Variants in SLC22A2 observed in about 807,000 individuals in gnomAD.
SLC22A2 encodes the protein solute carrier family 22 member 2.
SLC22A2 carries 46 observed loss-of-function variants against 60.5 expected under a neutral mutation model. That is an observed-to-expected ratio of 0.76 (90% CI 0.60 to 0.97). SLC22A2 has a LOEUF of 0.97. Among genes scored for constraint, SLC22A2 ranks in the 50% least tolerant of loss-of-function variants. SLC22A2 has a pLI of 0.00. For missense variants in SLC22A2, 701 were observed against 706.6 expected (o/e 0.99, Z 0.09); for synonymous variants, 303 against 267.0 (o/e 1.13, Z -1.31).
intron 10 of SLC22A2, among the ~76,000 whole-genome samples, chr6:160,223,921 G>A (rs1000496628): frequency 1.3e-5 from 2 of 151,936 alleles, no homozygotes; most frequent in African/African-American, 2.4e-5. Context: ...TAGTAGAGAC[G>A]GGGTTTCACC....
At chr6:160,219,410 G>A (rs553049343) in intron 10 of SLC22A2, among the ~76,000 whole-genome samples, 5 of 100,098 alleles carry the variant, frequency 5.0e-5, no homozygotes, top group South Asian at 3.7e-4. Context: ...ATCAGCCACC[G>A]GTGAGTGACT....
At chr6:160,243,420 A>G (rs912039882) in intron 7 of SLC22A2, 152 bp downstream of exon 7, 1 of 635,112 alleles carries the variant, frequency 1.6e-6, no homozygotes. Flanking sequence ...TGGCCATATG[A>G]ATTTGCTCAG....
intron 10 of SLC22A2, among the ~76,000 whole-genome samples, chr6:160,224,291 A>ATTT (rs10666190): frequency 2.8e-3 from 415 of 148,412 alleles, no homozygotes; most frequent in Middle Eastern, 0.01. Context: ...CAAATCTGTT[A>ATTT]TTTTTTTTTT....
rs1354939679 is a variant in SLC22A2, at chr6:160,250,579, G to T, written c.642C>A (p.Ser214Arg). The change falls in exon 3 of 11, where the codon AGC (serine) becomes AGA (arginine). Residue 214 changes from serine to arginine, a missense_variant. Transcript: ENST00000366953. ...TGTAGCCTATTAACCAGCCTGCTTT[G>T]CTGACCAGTCCTTGGATTAAGCGAA... is the stretch of plus-strand genomic sequence containing the variant. Reference protein sequence around the residue: ...LIFRLIQGLVSKAGWLIGYIL... With the variant: ...LIFRLIQGLVRKAGWLIGYIL... The T allele has an allele frequency of 2.5e-6, 4 of 1,614,030 alleles. No individual in the cohort carries two copies. The highest frequency in any genetic ancestry group is 3.4e-6 in the Non-Finnish European group (4 of 1,179,970).
intron 7 of SLC22A2, 96 bp downstream of exon 7, chr6:160,243,476 T>C (rs1783043499): frequency 7.3e-6 from 7 of 961,204 alleles, no homozygotes; most frequent in Non-Finnish European, 1.2e-5. Flanking sequence ...CAAATTGATT[T>C]GGATGACAAA....
intron 10 of SLC22A2, among the ~76,000 whole-genome samples, chr6:160,224,036 T>C (rs1782684933): frequency 6.6e-6 from 1 of 152,180 alleles, no homozygotes; most frequent in Admixed American, 6.5e-5. Flanking sequence ...AGCCCATGTT[T>C]GTAATTTTTA....
chr6:160,216,842 G>C lies in SLC22A2; in HGVS notation c.*590C>G, dbSNP rs1782545608. ...ATTCATGCTTACCCAATCTAAATAT[G>C]GAAGGACCTCATGATCACTTAAGTT... On this transcript the variant is annotated 3_prime_UTR_variant, in exon 11 of 11. Coordinates refer to ENST00000366953, the MANE Select transcript of SLC22A2 (RefSeq NM_003058.4). 6.6e-6 allele frequency: 1 copy of C among 151,934 alleles called. No homozygotes were observed. Among genetic ancestry groups the C allele is most frequent in the Non-Finnish European group, 1.5e-5 (1 of 68,000 alleles). 9.4% of individuals were successfully genotyped at this position (151,934 alleles called of 1,614,324 possible). A position where few individuals can be genotyped will look rare whatever the true frequency, so the allele number is the denominator to read the frequency against.
At chr6:160,242,453 TC>T (rs1783025617) in intron 7 of SLC22A2, 51 bp from the exon 8 acceptor site, 1 of 1,024,434 alleles carries the variant, frequency 9.8e-7, no homozygotes, top group Admixed American at 1.7e-5. Context: ...TTCCTCATCT[TC>T]AGACAGTGCT....
chr6:160,240,907 C>T (rs866089293), intron 9 of SLC22A2, among the ~76,000 whole-genome samples: 6 of 152,302 alleles, frequency 3.9e-5, no homozygotes, highest in Middle Eastern at 3.4e-3. Flanking sequence ...TGCTATGTGA[C>T]GCTCCTGAAA....
At chr6:160,233,779 C>T (rs924463080) in intron 9 of SLC22A2, among the ~76,000 whole-genome samples, 1 of 151,860 alleles carries the variant, frequency 6.6e-6, no homozygotes, top group African/African-American at 2.4e-5. Context: ...CTCTAGGTTC[C>T]CACGCTGCCC....
At chr6:160,220,814 C>G (rs1782632382) in intron 10 of SLC22A2, among the ~76,000 whole-genome samples, 1 of 152,126 alleles carries the variant, frequency 6.6e-6, no homozygotes. Flanking sequence ...AGCAGTAGGT[C>G]TAAACGGCGG....
chr6:160,256,833 G>T, intron 1 of SLC22A2, 116 bp from the exon 2 acceptor site: 1 of 666,164 alleles, frequency 1.5e-6, no homozygotes, highest in Middle Eastern at 3.8e-4. Flanking sequence ...GAATTGAACT[G>T]TATAGTTAAG....
chr6:160,246,634 C>T (rs1195920435), intron 5 of SLC22A2, among the ~76,000 whole-genome samples: 2 of 152,088 alleles, frequency 1.3e-5, no homozygotes, highest in African/African-American at 2.4e-5. Flanking sequence ...GTAATTCTGG[C>T]TACTAGGGAG....
chr6:160,251,582 C>G (rs1783187216), intron 2 of SLC22A2, among the ~76,000 whole-genome samples: 1 of 152,152 alleles, frequency 6.6e-6, no homozygotes, highest in Non-Finnish European at 1.5e-5. Context: ...GGGCCCAATA[C>G]TGTTATTTTC....
chr6:160,221,881 T>A (rs915287214), intron 10 of SLC22A2, among the ~76,000 whole-genome samples: 1 of 152,136 alleles, frequency 6.6e-6, no homozygotes, highest in African/African-American at 2.4e-5. Context: ...AATGGAAAAG[T>A]TTAAAATATT....
At chr6:160,223,656 T>C (rs1447235289) in intron 10 of SLC22A2, among the ~76,000 whole-genome samples, 1 of 152,238 alleles carries the variant, frequency 6.6e-6, no homozygotes, top group Non-Finnish European at 1.5e-5. Context: ...ATATATCACT[T>C]TGTACACGTA....
At chr6:160,239,707 G>T (rs770030809) in intron 9 of SLC22A2, among the ~76,000 whole-genome samples, 1 of 152,154 alleles carries the variant, frequency 6.6e-6, no homozygotes, top group Non-Finnish European at 1.5e-5. Flanking sequence ...CCAGTGTTGG[G>T]GGAGAAAGAA....
chr6:160,249,376 A>G lies in SLC22A2; in HGVS notation c.682T>C (p.Phe228Leu). 1 of 1,613,214 alleles carries G rather than the reference A, an allele frequency of 6.2e-7. No homozygotes were observed. Residue 228 changes from phenylalanine to leucine, a missense_variant, in exon 4 of 11, where the codon TTT becomes CTT. Physicochemically the swap from Phe to Leu is conservative, Grantham distance 22. Transcript: ENST00000366953. ...GTTCTCCGATATCTCCGCCCAACAA[A>G]TTCTGTAACTGCAGAGAGAATTTGA... ...WLIGYILITE[F>L]VGRRYRRTVG...
chr6:160,256,362 C>G (rs925688128), intron 2 of SLC22A2, among the ~76,000 whole-genome samples: 2 of 152,150 alleles, frequency 1.3e-5, no homozygotes, highest in Non-Finnish European at 2.9e-5. Context: ...TTCTGCATAG[C>G]CCCCATGGAA....
Sources: allele counts gnomAD v4.1 joint callset (sites outside exome capture counted in the v4.1 genomes callset), GRCh38; gene constraint gnomAD v4.1.1; transcripts MANE v1.5; gene names NCBI Gene and HGNC (gene_info 2026-07-23, HGNC 2026-07-21).